WWOX: variants seen among roughly 807,000 people sequenced by gnomAD.
WWOX encodes WW domain containing oxidoreductase, also known as WW domain-containing oxidoreductase.
Under a neutral mutation model 46.2 loss-of-function variants are expected in WWOX, and 69 were observed. That is an observed-to-expected ratio of 1.49 (90% CI 1.23 to 1.82). The LOEUF is 1.82. Ranked by LOEUF, WWOX falls within the 40% of genes most tolerant of loss-of-function variation. WWOX has a pLI of 0.00. For synonymous variants in WWOX, 359 were observed against 202.6 expected (o/e 1.77, Z -6.56); for missense variants, 919 against 542.6 (o/e 1.69, Z -6.89).
intron 8 of WWOX, among the ~76,000 whole-genome samples, chr16:78,547,027 C>G (rs1251011465): frequency 6.8e-6 from 1 of 148,124 alleles, no homozygotes; most frequent in African/African-American, 2.5e-5. Context: ...ACTTGGGAGG[C>G]TGAGGTTCGA....
chr16:78,436,710 G>C (rs114610690), intron 8 of WWOX, among the ~76,000 whole-genome samples: 126 of 152,198 alleles, frequency 8.3e-4, no homozygotes, highest in African/African-American at 3.0e-3. Flanking sequence ...TAAACATTTA[G>C]GACTCTGTAT....
intron 8 of WWOX, among the ~76,000 whole-genome samples, chr16:78,475,325 C>T (rs911008323): frequency 2.6e-5 from 4 of 152,178 alleles, no homozygotes; most frequent in African/African-American, 9.7e-5. Context: ...TCTCCTTGTT[C>T]ACCCAGATTG....
At chr16:78,490,716 G>T (rs531683960) in intron 8 of WWOX, among the ~76,000 whole-genome samples, 21 of 152,158 alleles carry the variant, frequency 1.4e-4, no homozygotes, top group Non-Finnish European at 2.4e-4. Context: ...GCAGCAAACT[G>T]CATTGACTCC....
In WWOX at chr16:78,406,319, T is replaced by C. The variant is rs1404119301; in HGVS notation, c.606-18551T>C. On this transcript the variant is annotated intron_variant, in intron 6 of 8. Coordinates refer to ENST00000566780, the MANE Select transcript of WWOX (RefSeq NM_016373.4). Reference sequence around the variant, plus strand: ...ATAAATATAAATATATATATATATATATATATATATATATATATATATATA... The same window carrying C: ...ATAAATATAAATATATATATATATACATATATATATATATATATATATATA... Among the ~76,000 whole-genome samples the C allele has an allele frequency of 9.0e-5, 7 of 77,576 alleles. No homozygotes were observed. The East Asian group carries it at 1.3e-3, about 14-fold the overall frequency. 50.9% of individuals were successfully genotyped at this position (77,576 alleles called of 152,430 possible).
At chr16:78,654,665 A>ATG (rs993939303) in intron 8 of WWOX, among the ~76,000 whole-genome samples, 5 of 150,366 alleles carry the variant, frequency 3.3e-5, no homozygotes, top group South Asian at 2.1e-4. Context: ...CTCTGTGTGT[A>ATG]TGTGTGTGTG....
At chr16:78,504,580 G>T (rs990538421) in intron 8 of WWOX, among the ~76,000 whole-genome samples, 4 of 152,188 alleles carry the variant, frequency 2.6e-5, no homozygotes, top group Non-Finnish European at 4.4e-5. Context: ...AGTGGGCGTC[G>T]TGATGCCAGT....
chr16:78,151,620 T>A (rs1006917717), intron 4 of WWOX, among the ~76,000 whole-genome samples: 1 of 152,212 alleles, frequency 6.6e-6, no homozygotes, highest in African/African-American at 2.4e-5. Context: ...CTCCTCCCTT[T>A]TTTTCTCACT....
chr16:78,641,252 G>T (rs1277354392), intron 8 of WWOX, among the ~76,000 whole-genome samples: 1 of 151,454 alleles, frequency 6.6e-6, no homozygotes, highest in Non-Finnish European at 1.5e-5. Flanking sequence ...TTTTTCTAAA[G>T]GAAAAGGCAG....
chr16:78,986,854 T>C (rs1396840381), intron 8 of WWOX, among the ~76,000 whole-genome samples: 2 of 152,294 alleles, frequency 1.3e-5, no homozygotes, highest in Non-Finnish European at 1.5e-5. Context: ...ATAATACACA[T>C]TATGCTTGAC....
At chr16:78,780,310 A>G (rs1021868301) in intron 8 of WWOX, 1 of 152,216 alleles carries the variant, frequency 6.6e-6, no homozygotes, top group Non-Finnish European at 1.5e-5. Context: ...TTAAGGGTAC[A>G]TTCACTCACT....
intron 5 of WWOX, among the ~76,000 whole-genome samples, chr16:78,365,075 T>A (rs1487461663): frequency 6.6e-6 from 1 of 152,198 alleles, no homozygotes; most frequent in Non-Finnish European, 1.5e-5. Context: ...CTCCAACTAG[T>A]TTATGAGCTT....
chr16:78,183,285 G>A (rs2151755508), intron 5 of WWOX, among the ~76,000 whole-genome samples: 1 of 152,268 alleles, frequency 6.6e-6, no homozygotes, highest in South Asian at 2.1e-4. Context: ...GGCTGGGGAG[G>A]GAAGCAAGGC....
intron 5 of WWOX, among the ~76,000 whole-genome samples, chr16:78,227,715 A>G (rs926892140): frequency 2.0e-5 from 3 of 152,052 alleles, no homozygotes; most frequent in African/African-American, 7.2e-5. Flanking sequence ...TGTCTCTACT[A>G]AAAATACAAA....
chr16:78,312,931 C>G (rs2080277101), intron 5 of WWOX, among the ~76,000 whole-genome samples: 1 of 152,230 alleles, frequency 6.6e-6, no homozygotes, highest in East Asian at 1.9e-4. Flanking sequence ...ATTCTCTCCC[C>G]TTATCAGTGG....
At chr16:78,891,137 A>G (rs911238442) in intron 8 of WWOX, 5 of 152,178 alleles carry the variant, frequency 3.3e-5, no homozygotes, top group African/African-American at 1.2e-4. Flanking sequence ...AATTGTTTAA[A>G]TCTTCCTTTA....
intron 8 of WWOX, among the ~76,000 whole-genome samples, chr16:78,992,473 A>AG (rs1320567285): frequency 7.9e-5 from 12 of 152,154 alleles, no homozygotes; most frequent in Non-Finnish European, 1.8e-4. Context: ...TCTCAAAAAA[A>AG]CAAAACAAAA....
At position 79,184,163 on chromosome 16, in the gene WWOX, A is replaced by G. The variant is rs2050967950; in HGVS notation, c.1057-27445A>G. 3.3e-5 allele frequency among the ~76,000 whole-genome samples: 5 copies of G among 152,280 alleles called. No homozygotes were observed. In the Middle Eastern group the frequency reaches 0.01, roughly 311 times the overall value. ...GATTGTAAATTAAACCCTCCCCCAA[A>G]TGCTCAGAACTGTTGAATTGACTAA... On this transcript the variant is annotated intron_variant, in intron 8 of 8. Coordinates refer to ENST00000566780, the MANE Select transcript of WWOX (RefSeq NM_016373.4).
intron 8 of WWOX, among the ~76,000 whole-genome samples, chr16:78,932,081 T>A (rs566821083): frequency 1.3e-5 from 2 of 152,346 alleles, no homozygotes; most frequent in Admixed American, 6.5e-5. Context: ...TAAACCTCTT[T>A]CCTTTATAAA....
At chr16:78,435,743 G>A (rs552313109) in intron 8 of WWOX, among the ~76,000 whole-genome samples, 29 of 152,258 alleles carry the variant, frequency 1.9e-4, no homozygotes, top group Non-Finnish European at 3.1e-4. Flanking sequence ...TAATGGTGCT[G>A]ATGGCTAAGC....
Sources: gnomAD v4.1 joint callset for allele counts (sites outside exome capture counted in the v4.1 genomes callset) on GRCh38, gnomAD v4.1.1 for gene constraint, MANE v1.5 for transcripts, NCBI Gene and HGNC (gene_info 2026-07-23, HGNC 2026-07-21) for gene names.